PDE11A: variants seen among roughly 807,000 people sequenced by gnomAD.
PDE11A encodes the protein dual 3',5'-cyclic-AMP and -GMP phosphodiesterase 11A.
In PDE11A, 100 loss-of-function variants were observed where a neutral mutation model predicts 100.5. The observed-to-expected ratio is 1.00, with a 90% CI of 0.85 to 1.18. PDE11A has a LOEUF of 1.18. Among genes scored for constraint, PDE11A ranks in the 50% most tolerant of loss-of-function variants. The pLI is 0.00. For synonymous variants in PDE11A, 381 were observed against 420.8 expected (o/e 0.91, Z 1.16); for missense variants, 1,141 against 1,152.6 (o/e 0.99, Z 0.15).
At position 177,629,437 on chromosome 2, in the gene PDE11A, A is replaced by T; in HGVS notation, c.2772T>A (p.Ser924Arg). Residue 924 changes from serine to arginine, a missense_variant, in exon 20 of 20, where the codon AGT becomes AGA. Transcript: ENST00000286063. Reference sequence around the variant, plus strand: ...TCCTGTCTTCCTTGGCTACCATAACACTGGCAGGGGAGGATGAGGCAGTTG... The same window carrying T: ...TCCTGTCTTCCTTGGCTACCATAACTCTGGCAGGGGAGGATGAGGCAGTTG... ...LASTASSSPA[S>R]VMVAKEDRN The T allele has an allele frequency of 6.4e-7, 1 of 1,558,668 alleles. No individual in the cohort carries two copies. Among genetic ancestry groups the T allele is most frequent in the Non-Finnish European group, 8.7e-7 (1 of 1,149,090 alleles).
At chr2:177,878,218 C>T (rs1345175659) in intron 4 of PDE11A, among the ~76,000 whole-genome samples, 1 of 152,190 alleles carries the variant, frequency 6.6e-6, no homozygotes, top group Non-Finnish European at 1.5e-5. Context: ...CAGAATCACT[C>T]ATTGTGGCAA....
intron 5 of PDE11A, among the ~76,000 whole-genome samples, chr2:177,843,194 T>C (rs1390963837): frequency 2.0e-5 from 3 of 152,216 alleles, no homozygotes; most frequent in Non-Finnish European, 2.9e-5. Flanking sequence ...CTATATTTTA[T>C]AGATCAGAAA....
intron 16 of PDE11A, among the ~76,000 whole-genome samples, chr2:177,678,252 C>T (rs1434101040): frequency 1.3e-5 from 2 of 152,164 alleles, no homozygotes; most frequent in East Asian, 3.8e-4. Flanking sequence ...GTTAGAAACA[C>T]AAACGACACC....
At chr2:177,855,141 G>C (rs542815156) in intron 5 of PDE11A, among the ~76,000 whole-genome samples, 5 of 152,004 alleles carry the variant, frequency 3.3e-5, no homozygotes, top group Non-Finnish European at 7.4e-5. Flanking sequence ...AGGCACAGTA[G>C]AAGAAAGAAG....
chr2:177,841,307 T>A (rs7568082), intron 5 of PDE11A, among the ~76,000 whole-genome samples: 7,046 of 152,226 alleles, frequency 0.046, 241 homozygotes, highest in Middle Eastern at 0.12. Context: ...TCCTGGAGGA[T>A]GTCTGATTTG....
At chr2:177,724,894 T>G (rs947726002) in intron 12 of PDE11A, among the ~76,000 whole-genome samples, 4 of 152,072 alleles carry the variant, frequency 2.6e-5, no homozygotes, top group South Asian at 2.1e-4. Flanking sequence ...CGCTGTGCTT[T>G]CTTAGCCTTA....
chr2:177,942,942 T>C (rs1042433255), intron 2 of PDE11A, among the ~76,000 whole-genome samples: 2 of 152,332 alleles, frequency 1.3e-5, no homozygotes, highest in African/African-American at 4.8e-5. Context: ...CTACTTTAGA[T>C]ACCTCATGTA....
At chr2:177,714,956 G>A (rs559341964) in intron 12 of PDE11A, among the ~76,000 whole-genome samples, 21 of 152,144 alleles carry the variant, frequency 1.4e-4, no homozygotes, top group Non-Finnish European at 2.5e-4. Context: ...TTCCTCCACC[G>A]TCATTCAGGG....
At chr2:177,926,480 T>C (rs1455710260) in intron 2 of PDE11A, among the ~76,000 whole-genome samples, 2 of 152,280 alleles carry the variant, frequency 1.3e-5, no homozygotes, top group African/African-American at 2.4e-5. Flanking sequence ...CTTTATGTTA[T>C]AATTCAGTAG....
At chr2:177,979,963 T>C (rs2085860933) in intron 2 of PDE11A, among the ~76,000 whole-genome samples, 1 of 150,486 alleles carries the variant, frequency 6.6e-6, no homozygotes, top group Admixed American at 6.6e-5. Flanking sequence ...GTAAGAACAT[T>C]TGTTTCAATA....
chr2:178,042,377 C>T (rs1007959149), intron 1 of PDE11A, among the ~76,000 whole-genome samples: 14 of 151,406 alleles, frequency 9.2e-5, no homozygotes, highest in Admixed American at 2.0e-4. Context: ...ACTTAGGAAG[C>T]GGAGGCTGGA....
chr2:177,732,567 G>C (rs944316381), intron 10 of PDE11A, among the ~76,000 whole-genome samples: 5 of 152,190 alleles, frequency 3.3e-5, no homozygotes, highest in Non-Finnish European at 5.9e-5. Flanking sequence ...ATTATTAATA[G>C]TGTATTCCCT....
At chr2:177,947,932 A>T (rs2085463793) in intron 2 of PDE11A, among the ~76,000 whole-genome samples, 1 of 152,072 alleles carries the variant, frequency 6.6e-6, no homozygotes, top group Non-Finnish European at 1.5e-5. Flanking sequence ...ATAGCCCTCC[A>T]TCCAGAGATA....
chr2:177,653,399 T>C (rs2080337546), intron 19 of PDE11A, among the ~76,000 whole-genome samples: 1 of 152,236 alleles, frequency 6.6e-6, no homozygotes, highest in Non-Finnish European at 1.5e-5. Context: ...TTCTAACCTT[T>C]CTTTCCCTCT....
chr2:177,747,394 T>G (rs2081964247), intron 10 of PDE11A, among the ~76,000 whole-genome samples: 3 of 152,168 alleles, frequency 2.0e-5, no homozygotes, highest in Admixed American at 2.0e-4. Flanking sequence ...GGCTCTGAAC[T>G]CCCAGAAGCC....
At chr2:177,754,542 T>G (rs2082066039) in intron 10 of PDE11A, among the ~76,000 whole-genome samples, 1 of 152,264 alleles carries the variant, frequency 6.6e-6, no homozygotes. Flanking sequence ...AACAAAGTCA[T>G]GGAAGATTTT....
At chr2:177,800,074 G>C (rs1490312843) in intron 9 of PDE11A, among the ~76,000 whole-genome samples, 1 of 151,952 alleles carries the variant, frequency 6.6e-6, no homozygotes, top group East Asian at 1.9e-4. Context: ...GCCCTGAGAT[G>C]CACAGGTAAA....
In PDE11A at chr2:177,764,345, G is replaced by A. The variant is rs903445847; in HGVS notation, c.1788+4978C>T. Among the ~76,000 whole-genome samples, 6 of 152,192 alleles carry A rather than the reference G, an allele frequency of 3.9e-5. No individual in the cohort carries two copies. The East Asian group carries it at 1.2e-3, about 29-fold the overall frequency. On this transcript the variant is annotated intron_variant, in intron 10 of 19. Transcript: ENST00000286063. ...GAGGCAGTTACAGTGCTGTAAATGA[G>A]TTCATCTCTGATTGCAGCCGTAACC... is the stretch of plus-strand genomic sequence containing the variant.
chr2:178,005,758 C>A (rs1279316096), intron 2 of PDE11A, among the ~76,000 whole-genome samples: 1 of 152,200 alleles, frequency 6.6e-6, no homozygotes. Context: ...GATCAATGAT[C>A]ATGCAAAGTC....
Sources: gnomAD v4.1 joint callset for allele counts (sites outside exome capture counted in the v4.1 genomes callset) on GRCh38, gnomAD v4.1.1 for gene constraint, MANE v1.5 for transcripts, NCBI Gene and HGNC (gene_info 2026-07-23, HGNC 2026-07-21) for gene names.